TAFA1: variants seen among roughly 807,000 people sequenced by gnomAD.
The protein encoded by TAFA1 is TAFA chemokine like family member 1.
Under a neutral mutation model 18.5 loss-of-function variants are expected in TAFA1, and 4 were observed. That is an observed-to-expected ratio of 0.22 (90% CI 0.11 to 0.49). The LOEUF (loss-of-function observed/expected upper bound fraction) is 0.49, where lower values mean the gene tolerates loss of function less well. Ranked by LOEUF, TAFA1 falls within the 20% of genes least tolerant of loss-of-function variation. TAFA1 has a pLI of 0.98. For missense variants in TAFA1, 147 were observed against 169.0 expected, an observed-to-expected ratio of 0.87 and a Z score of 0.72; for synonymous variants, 56 against 55.2, an observed-to-expected ratio of 1.01 and a Z score of -0.06.
chr3:68,262,298 A>C (rs1408885900), intron 2 of TAFA1, among the ~76,000 whole-genome samples: 2 of 95,898 alleles, frequency 2.1e-5, no homozygotes, highest in African/African-American at 8.6e-5. Flanking sequence ...TTTATTTTAG[A>C]TATGGAGGGT....
At chr3:68,227,306 A>T (rs2066814333) in intron 2 of TAFA1, among the ~76,000 whole-genome samples, 1 of 152,240 alleles carries the variant, frequency 6.6e-6, no homozygotes, top group Non-Finnish European at 1.5e-5. Context: ...ATGTCATTAG[A>T]TAATCTCAGA....
At chr3:68,156,630 A>G (rs1226330677) in intron 2 of TAFA1, among the ~76,000 whole-genome samples, 2 of 152,174 alleles carry the variant, frequency 1.3e-5, no homozygotes, top group Admixed American at 1.3e-4. Flanking sequence ...TCTGTATTGT[A>G]TCTAGAAGGG....
chr3:68,223,221 G>A lies in TAFA1; in HGVS notation c.119-194059G>A, dbSNP rs186127332. On this transcript the variant is annotated intron_variant, in intron 2 of 4. Transcript: ENST00000478136. ...ATTTAGACACTTCCAACATACTTAA[G>A]GTTGAGATCGCTTATTAAACTTCTC... 4.9e-4 allele frequency among the ~76,000 whole-genome samples: 74 copies of A among 152,232 alleles called. No individual in the cohort carries two copies. The South Asian group carries it at 7.9e-3, about 16-fold the overall frequency.
intron 3 of TAFA1, among the ~76,000 whole-genome samples, chr3:68,460,662 A>G (rs1240935126): frequency 3.3e-5 from 5 of 152,178 alleles, no homozygotes; most frequent in Non-Finnish European, 1.5e-5. Flanking sequence ...ATATTCACCT[A>G]CATAGTTGCC....
intron 3 of TAFA1, among the ~76,000 whole-genome samples, chr3:68,478,407 G>A (rs940872677): frequency 5.3e-5 from 8 of 152,016 alleles, no homozygotes; most frequent in African/African-American, 1.7e-4. Context: ...GACATAAAGT[G>A]GAAATAAGAA....
intron 2 of TAFA1, among the ~76,000 whole-genome samples, chr3:68,035,442 A>G (rs1025803812): frequency 1.3e-5 from 2 of 152,200 alleles, no homozygotes; most frequent in Non-Finnish European, 2.9e-5. Flanking sequence ...AACTTATTTT[A>G]TAACATTATA....
chr3:68,475,412 T>C (rs1042495809), intron 3 of TAFA1, among the ~76,000 whole-genome samples: 2 of 152,004 alleles, frequency 1.3e-5, no homozygotes, highest in African/African-American at 4.8e-5. Context: ...ATGTCGTGTT[T>C]GGTTTTTTGT....
chr3:68,370,468 GTGTGTATATA>G (rs1190904595), intron 2 of TAFA1, among the ~76,000 whole-genome samples: 193 of 16,562 alleles, frequency 0.012, no homozygotes, highest in Non-Finnish European at 0.014. Context: ...GTGTGTGTGT[GTGTGTATATA>G]TATATATATA....
intron 3 of TAFA1, among the ~76,000 whole-genome samples, chr3:68,434,707 A>G (rs529991128): frequency 6.6e-5 from 10 of 152,252 alleles, no homozygotes; most frequent in African/African-American, 2.4e-4. Flanking sequence ...GGAAAACACT[A>G]CAAATGGCTT....
intron 3 of TAFA1, among the ~76,000 whole-genome samples, chr3:68,438,264 G>A (rs2071301135): frequency 6.6e-6 from 1 of 152,148 alleles, no homozygotes; most frequent in South Asian, 2.1e-4. Flanking sequence ...AGGCTAAGGT[G>A]GAAGTTTTGC....
At chr3:68,145,611 A>T in intron 2 of TAFA1, 1 of 1,472,210 alleles carries the variant, frequency 6.8e-7, no homozygotes, top group Non-Finnish European at 9.5e-7. Flanking sequence ...CTGACGGATT[A>T]TGTGGCTTTC....
chr3:68,179,794 T>C (rs1172751517), intron 2 of TAFA1, among the ~76,000 whole-genome samples: 1 of 152,074 alleles, frequency 6.6e-6, no homozygotes, highest in African/African-American at 2.4e-5. Context: ...TTCTTTTGGA[T>C]TGTCAAATAA....
chr3:68,156,539 A>G (rs577162664), intron 2 of TAFA1, among the ~76,000 whole-genome samples: 2 of 152,300 alleles, frequency 1.3e-5, no homozygotes, highest in South Asian at 4.1e-4. Context: ...TGCTGTGCCC[A>G]CTAAATGAGT....
At chr3:68,286,396 A>G (rs2068007886) in intron 2 of TAFA1, among the ~76,000 whole-genome samples, 1 of 152,074 alleles carries the variant, frequency 6.6e-6, no homozygotes, top group South Asian at 2.1e-4. Context: ...TCTAGCGTGG[A>G]GAGAAAGATG....
intron 2 of TAFA1, among the ~76,000 whole-genome samples, chr3:68,070,971 C>T (rs1461155430): frequency 6.6e-6 from 1 of 152,186 alleles, no homozygotes. Context: ...TCCAAACTTC[C>T]CCACATTTTC....
At chr3:68,242,630 C>T (rs2067014163) in intron 2 of TAFA1, among the ~76,000 whole-genome samples, 1 of 152,132 alleles carries the variant, frequency 6.6e-6, no homozygotes, top group South Asian at 2.1e-4. Flanking sequence ...ATTTGCCTAA[C>T]ATCACAAATT....
intron 2 of TAFA1, among the ~76,000 whole-genome samples, chr3:68,400,121 G>A (rs1400120942): frequency 6.6e-6 from 1 of 152,116 alleles, no homozygotes; most frequent in Admixed American, 6.6e-5. Flanking sequence ...ACGCTGTTTG[G>A]CCAGGTCACA....
At chr3:68,238,034 T>C (rs2066949999) in intron 2 of TAFA1, among the ~76,000 whole-genome samples, 1 of 152,132 alleles carries the variant, frequency 6.6e-6, no homozygotes, top group Non-Finnish European at 1.5e-5. Context: ...CCAGGGTAGC[T>C]GAAGTCCTCA....
At chr3:68,375,544 T>A (rs1483910227) in intron 2 of TAFA1, among the ~76,000 whole-genome samples, 1 of 152,212 alleles carries the variant, frequency 6.6e-6, no homozygotes, top group Non-Finnish European at 1.5e-5. Flanking sequence ...CCCAATCAAA[T>A]TTCATGCCTG....
Sources: allele counts gnomAD v4.1 joint callset (sites outside exome capture counted in the v4.1 genomes callset), GRCh38; gene constraint gnomAD v4.1.1; transcripts MANE v1.5; gene names NCBI Gene and HGNC (gene_info 2026-07-23, HGNC 2026-07-21).